Variants in NAALADL2 observed in about 807,000 individuals in gnomAD.
The protein encoded by NAALADL2 is N-acetylated alpha-linked acidic dipeptidase like 2, also known as inactive N-acetylated-alpha-linked acidic dipeptidase-like protein 2.
NAALADL2 carries 76 observed loss-of-function variants against 87.2 expected under a neutral mutation model. That is an observed-to-expected ratio of 0.87 (90% CI 0.72 to 1.05). The LOEUF (loss-of-function observed/expected upper bound fraction) is 1.05. NAALADL2 is among the 50% of genes least tolerant of loss of function. NAALADL2 has a pLI of 0.00. For synonymous variants in NAALADL2, 354 were observed against 331.0 expected, an observed-to-expected ratio of 1.07 and a Z score of -0.75; for missense variants, 1,089 against 945.8, an observed-to-expected ratio of 1.15 and a Z score of -1.99.
At chr3:175,580,919 A>G (rs1443895537) in intron 10 of NAALADL2, among the ~76,000 whole-genome samples, 2 of 152,162 alleles carry the variant, frequency 1.3e-5, no homozygotes, top group Admixed American at 6.5e-5. Context: ...TTATATGGTA[A>G]TATCTACATA....
intron 1 of NAALADL2, among the ~76,000 whole-genome samples, chr3:175,034,535 T>C (rs551148423): frequency 5.9e-5 from 9 of 152,272 alleles, no homozygotes; most frequent in Admixed American, 2.0e-4. Context: ...TGACATCTTA[T>C]CAAAGAGACT....
At chr3:175,627,480 C>T (rs1324002524) in intron 11 of NAALADL2, 94 bp downstream of exon 11, 9 of 743,008 alleles carry the variant, frequency 1.2e-5, no homozygotes, top group East Asian at 2.9e-5. Context: ...AAGAGCAATC[C>T]GTATATTTTC....
At chr3:174,520,545 T>C (rs1720210204) in intron 1 of NAALADL2, among the ~76,000 whole-genome samples, 1 of 152,312 alleles carries the variant, frequency 6.6e-6, no homozygotes, top group South Asian at 2.1e-4. Context: ...TCTCTCACTT[T>C]ATACAAAAAT....
At chr3:174,988,918 T>C (rs543724350) in intron 1 of NAALADL2, among the ~76,000 whole-genome samples, 3 of 152,342 alleles carry the variant, frequency 2.0e-5, no homozygotes, top group South Asian at 2.1e-4. Flanking sequence ...AAGAGATTTA[T>C]TTGGCTCATG....
At chr3:175,677,446 A>G (rs546697170) in intron 11 of NAALADL2, among the ~76,000 whole-genome samples, 6 of 147,842 alleles carry the variant, frequency 4.1e-5, no homozygotes, top group Admixed American at 1.4e-4. Flanking sequence ...TTTAACCTGT[A>G]TTTTTTTGGT....
chr3:175,236,267 A>G (rs1745838027), intron 3 of NAALADL2, among the ~76,000 whole-genome samples: 2 of 152,140 alleles, frequency 1.3e-5, no homozygotes, highest in South Asian at 2.1e-4. Context: ...CATGCCTGTA[A>G]TAGCAGCACT....
In NAALADL2 at chr3:175,757,208, G is replaced by T. The variant is rs551334810; in HGVS notation, c.2189+1790G>T. Among the ~76,000 whole-genome samples, 141 of 151,914 alleles carry T rather than the reference G, an allele frequency of 9.3e-4. 1 individual carries two copies. The highest frequency in any genetic ancestry group is 3.3e-3 in the African/African-American group (137 of 41,458). The stretch of plus-strand genomic sequence containing the variant: ...CTAGACATACTATGTATAAACAAAG[G>T]TTATAACTAGGACTAAGGAATCGAT... On this transcript the variant is annotated intron_variant, in intron 13 of 13. Coordinates refer to ENST00000454872, the MANE Select transcript of NAALADL2 (RefSeq NM_207015.3).
intron 1 of NAALADL2, among the ~76,000 whole-genome samples, chr3:174,910,192 CAGA>C (rs1020458507): frequency 4.0e-5 from 6 of 151,714 alleles, no homozygotes; most frequent in Non-Finnish European, 5.9e-5. Flanking sequence ...TAGAGATCGT[CAGA>C]AGGTTAGAAA....
intron 11 of NAALADL2, among the ~76,000 whole-genome samples, chr3:175,698,831 C>G (rs76255778): frequency 6.6e-6 from 1 of 151,700 alleles, no homozygotes; most frequent in Admixed American, 6.6e-5. Context: ...ATAAAGCACT[C>G]AGATCCCATT....
At chr3:174,920,950 C>T (rs751098076) in intron 1 of NAALADL2, among the ~76,000 whole-genome samples, 6 of 152,164 alleles carry the variant, frequency 3.9e-5, no homozygotes, top group African/African-American at 1.4e-4. Context: ...TCTCAGAACA[C>T]GGTCAGCATT....
chr3:174,708,251 G>C (rs183580268), intron 2 of NAALADL2, among the ~76,000 whole-genome samples: 8 of 152,232 alleles, frequency 5.3e-5, no homozygotes, highest in African/African-American at 1.9e-4. Flanking sequence ...GACAAAATGG[G>C]CATTTAGCTC....
At chr3:175,553,749 C>T (rs182228239) in intron 9 of NAALADL2, among the ~76,000 whole-genome samples, 1 of 150,516 alleles carries the variant, frequency 6.6e-6, no homozygotes, top group Admixed American at 6.6e-5. Context: ...ATAAATTTTC[C>T]ATGTAGTTAT....
At chr3:175,752,528 T>C (rs1314832845) in intron 12 of NAALADL2, among the ~76,000 whole-genome samples, 1 of 152,126 alleles carries the variant, frequency 6.6e-6, no homozygotes, top group Non-Finnish European at 1.5e-5. Context: ...TAGAAATCTT[T>C]GGAGCATCAT....
At chr3:175,024,856 A>C (rs1325522605) in intron 1 of NAALADL2, among the ~76,000 whole-genome samples, 1 of 152,080 alleles carries the variant, frequency 6.6e-6, no homozygotes, top group African/African-American at 2.4e-5. Context: ...GGTGTTGCTG[A>C]ATTTCTAAGT....
chr3:175,276,821 TTAA>T (rs1753671885), intron 4 of NAALADL2, among the ~76,000 whole-genome samples: 1 of 152,146 alleles, frequency 6.6e-6, no homozygotes, highest in South Asian at 2.1e-4. Flanking sequence ...TTTTTCAATC[TTAA>T]TAGTGCAATC....
intron 2 of NAALADL2, among the ~76,000 whole-genome samples, chr3:174,715,320 T>C (rs1451647119): frequency 6.6e-6 from 1 of 152,188 alleles, no homozygotes; most frequent in African/African-American, 2.4e-5. Context: ...GTTTAGAAAT[T>C]GTATGGGTAT....
intron 1 of NAALADL2, among the ~76,000 whole-genome samples, chr3:174,927,365 A>C (rs1446269940): frequency 1.3e-5 from 2 of 152,196 alleles, no homozygotes; most frequent in Non-Finnish European, 2.9e-5. Context: ...GACCTAATAG[A>C]CATCTACAGA....
intron 2 of NAALADL2, among the ~76,000 whole-genome samples, chr3:175,133,752 A>G (rs1580633728): frequency 6.6e-6 from 1 of 152,234 alleles, no homozygotes; most frequent in East Asian, 1.9e-4. Flanking sequence ...AGGGAGAGGG[A>G]GACTAAGTAT....
intron 5 of NAALADL2, among the ~76,000 whole-genome samples, chr3:175,375,387 G>C (rs1305831723): frequency 1.3e-5 from 2 of 152,118 alleles, no homozygotes; most frequent in African/African-American, 4.8e-5. Context: ...CTGAAATACA[G>C]CATTAGCAGT....
Sources: allele counts gnomAD v4.1 joint callset (sites outside exome capture counted in the v4.1 genomes callset), GRCh38; gene constraint gnomAD v4.1.1; transcripts MANE v1.5; gene names NCBI Gene and HGNC (gene_info 2026-07-23, HGNC 2026-07-21).